Variants in PTCHD4 observed in about 807,000 individuals in gnomAD.
PTCHD4 encodes patched domain-containing protein 4.
Under a neutral mutation model 58.1 loss-of-function variants are expected in PTCHD4, and 33 were observed. The observed-to-expected ratio is 0.57, with a 90% CI of 0.43 to 0.76. The LOEUF is 0.76. Among genes scored for constraint, PTCHD4 ranks in the 30% least tolerant of loss-of-function variants. The pLI, the probability that PTCHD4 is intolerant of heterozygous loss-of-function variation, is 0.00. For missense variants in PTCHD4, 1,058 were observed against 1,027.1 expected (o/e 1.03, Z -0.41); for synonymous variants, 478 against 409.6 (o/e 1.17, Z -2.02).
chr6:48,070,012 A>T (rs1464239229), intron 1 of PTCHD4, among the ~76,000 whole-genome samples, 86 bp from the exon 2 acceptor site: 2 of 152,182 alleles, frequency 1.3e-5, no homozygotes, highest in African/African-American at 2.4e-5. Flanking sequence ...CTGTATAAGA[A>T]AGAAAACCCC....
At chr6:47,924,723 A>G (rs1482201477) in intron 4 of PTCHD4, among the ~76,000 whole-genome samples, 24 of 152,260 alleles carry the variant, frequency 1.6e-4, no homozygotes, top group Non-Finnish European at 1.2e-4. Context: ...CTTTGTTCAA[A>G]ACCAGTTGAG....
chr6:47,936,407 T>C (rs919708048), intron 4 of PTCHD4, among the ~76,000 whole-genome samples: 2 of 152,234 alleles, frequency 1.3e-5, no homozygotes, highest in Non-Finnish European at 2.9e-5. Flanking sequence ...CCCTTCTTTA[T>C]TAAACACTTT....
intron 3 of PTCHD4, among the ~76,000 whole-genome samples, chr6:48,030,658 G>A (rs1308737990): frequency 6.6e-6 from 1 of 152,018 alleles, no homozygotes; most frequent in Non-Finnish European, 1.5e-5. Context: ...AATTCAAACT[G>A]CAAGTCAGAA....
chr6:48,023,609 G>A (rs900601806), intron 3 of PTCHD4, among the ~76,000 whole-genome samples: 9 of 152,012 alleles, frequency 5.9e-5, no homozygotes, highest in Non-Finnish European at 1.2e-4. Context: ...CATGAGGTTT[G>A]GAGACAAAAC....
chr6:47,887,270 T>C (rs1268180630), intron 4 of PTCHD4, among the ~76,000 whole-genome samples: 1 of 150,056 alleles, frequency 6.7e-6, no homozygotes, highest in Non-Finnish European at 1.5e-5. Flanking sequence ...AGAATTATTT[T>C]ATATAACTTA....
chr6:48,044,535 T>G (rs332583), intron 3 of PTCHD4, among the ~76,000 whole-genome samples: 57,656 of 151,588 alleles, frequency 0.38, 11,538 homozygotes, highest in East Asian at 0.62. Context: ...TGAGTGACAC[T>G]GTGTTTTTTA....
At chr6:48,005,256 G>C (rs1472653358) in intron 4 of PTCHD4, among the ~76,000 whole-genome samples, 1 of 152,194 alleles carries the variant, frequency 6.6e-6, no homozygotes, top group African/African-American at 2.4e-5. Context: ...GGAACAAACA[G>C]TATCAGCGAC....
chr6:47,911,942 A>C (rs1460407725), intron 4 of PTCHD4, among the ~76,000 whole-genome samples: 1 of 152,094 alleles, frequency 6.6e-6, no homozygotes, highest in Non-Finnish European at 1.5e-5. Context: ...AGGAGGATTC[A>C]ATGAAATAGA....
chr6:48,073,348 C>A (rs1438023664), intron 1 of PTCHD4, among the ~76,000 whole-genome samples: 2 of 152,118 alleles, frequency 1.3e-5, no homozygotes, highest in African/African-American at 4.8e-5. Flanking sequence ...GAGTTCTAGG[C>A]CAATTCCATA....
At chr6:48,081,705 A>C (rs972489156) in intron 1 of PTCHD4, among the ~76,000 whole-genome samples, 2 of 152,206 alleles carry the variant, frequency 1.3e-5, no homozygotes, top group African/African-American at 4.8e-5. Flanking sequence ...TTTAATAGCT[A>C]TAAGTGTATA....
chr6:48,066,005 G>A (rs1444208985), intron 3 of PTCHD4, among the ~76,000 whole-genome samples: 1 of 152,018 alleles, frequency 6.6e-6, no homozygotes, highest in Non-Finnish European at 1.5e-5. Context: ...TGAAGCACCT[G>A]TTATAGGCCT....
intron 4 of PTCHD4, among the ~76,000 whole-genome samples, chr6:47,929,561 A>G (rs73736803): frequency 0.021 from 3,244 of 152,314 alleles, 123 homozygotes; most frequent in African/African-American, 0.071. Flanking sequence ...TGTACATTCT[A>G]ACAAATCACC....
At chr6:47,903,856 T>C (rs1764791743) in intron 4 of PTCHD4, among the ~76,000 whole-genome samples, 2 of 152,098 alleles carry the variant, frequency 1.3e-5, no homozygotes, top group Non-Finnish European at 2.9e-5. Flanking sequence ...ATCTGGGGTG[T>C]GAGTGGTGGA....
chr6:47,940,704 A>G (rs1308860089), intron 4 of PTCHD4, among the ~76,000 whole-genome samples: 8 of 152,174 alleles, frequency 5.3e-5, no homozygotes, highest in African/African-American at 2.4e-5. Context: ...ATATGACTTA[A>G]TAGGAAAGTC....
intron 4 of PTCHD4, among the ~76,000 whole-genome samples, chr6:47,924,909 A>G (rs145090588): frequency 1.3e-5 from 2 of 151,582 alleles, no homozygotes; most frequent in South Asian, 2.1e-4. Context: ...CCTTATCTTG[A>G]TTTGTTTTCT....
Position 47,864,829 on chromosome 6 carries a change from T to C in PTCHD4, c.*13474A>G, listed in dbSNP as rs1422636079. ...AATTAGAGACAGGCCATCCAATGAA[T>C]GTGTAACTATGTGTAAGGATATGTT... On this transcript the variant is annotated 3_prime_UTR_variant, in exon 5 of 5. Coordinates refer to ENST00000339488, the MANE Select transcript of PTCHD4 (RefSeq NM_001384253.1). Among the ~76,000 whole-genome samples, 1 of 151,974 alleles carries C rather than the reference T, an allele frequency of 6.6e-6. No homozygotes were observed. Among genetic ancestry groups the C allele is most frequent in the African/African-American group, 2.4e-5 (1 of 41,404 alleles).
chr6:48,089,465 A>C (rs1255972313), intron 1 of PTCHD4, among the ~76,000 whole-genome samples: 1 of 152,234 alleles, frequency 6.6e-6, no homozygotes, highest in Non-Finnish European at 1.5e-5. Flanking sequence ...AACACATGTT[A>C]ATGCATTTAG....
chr6:48,070,472 G>C (rs1421485381), intron 1 of PTCHD4, among the ~76,000 whole-genome samples: 1 of 152,090 alleles, frequency 6.6e-6, no homozygotes, highest in Non-Finnish European at 1.5e-5. Context: ...CAGCGACAAT[G>C]CTTAAGGAAA....
chr6:47,867,655 C>A lies in PTCHD4; in HGVS notation c.*10648G>T, dbSNP rs1028079125. 1.3e-5 allele frequency among the ~76,000 whole-genome samples: 2 copies of A among 151,668 alleles called. No homozygotes were observed. Among genetic ancestry groups the A allele is most frequent in the African/African-American group, 2.4e-5 (1 of 41,362 alleles). On this transcript the variant is annotated 3_prime_UTR_variant, in exon 5 of 5. Coordinates refer to ENST00000339488, the MANE Select transcript of PTCHD4 (RefSeq NM_001384253.1). ...ATCCTGGACAACCTGCTTTCCTGCC[C>A]TTGTATATTTCACTTTTTCTCCCTG...
Sources: allele counts gnomAD v4.1 joint callset (sites outside exome capture counted in the v4.1 genomes callset), GRCh38; gene constraint gnomAD v4.1.1; transcripts MANE v1.5; gene names NCBI Gene and HGNC (gene_info 2026-07-23, HGNC 2026-07-21).